Variants in INPP4B observed in about 807,000 individuals in gnomAD.
The protein encoded by INPP4B is inositol polyphosphate-4-phosphatase type II B.
In INPP4B, 55 loss-of-function variants were observed where a neutral mutation model predicts 122.5. The ratio of observed to expected loss-of-function variants is 0.45; its 90% confidence interval spans 0.36 to 0.56. The LOEUF (loss-of-function observed/expected upper bound fraction) is 0.56. Among genes scored for constraint, INPP4B ranks in the 20% least tolerant of loss-of-function variants. The probability of loss-of-function intolerance (pLI) is 0.00; values close to 1 mark genes in which losing one functional copy is unlikely to be tolerated. For missense variants in INPP4B, 1,000 were observed against 1,097.7 expected (o/e 0.91, Z 1.26); for synonymous variants, 403 against 388.7 (o/e 1.04, Z -0.43).
intron 2 of INPP4B, among the ~76,000 whole-genome samples, chr4:142,678,523 G>T (rs1371085759): frequency 6.6e-6 from 1 of 151,728 alleles, no homozygotes; most frequent in Non-Finnish European, 1.5e-5. Context: ...TTTGGAACTA[G>T]GTATCCCTTA....
intron 2 of INPP4B, among the ~76,000 whole-genome samples, chr4:142,616,348 A>G (rs1743701189): frequency 6.6e-6 from 1 of 152,180 alleles, no homozygotes; most frequent in Non-Finnish European, 1.5e-5. Flanking sequence ...AAGAAACTTC[A>G]GAGAGATATC....
At chr4:142,736,589 G>C (rs1561012839) in intron 1 of INPP4B, among the ~76,000 whole-genome samples, 1 of 151,912 alleles carries the variant, frequency 6.6e-6, no homozygotes, top group Admixed American at 6.6e-5. Flanking sequence ...TCATAATTTG[G>C]CTCTCTGTTT....
intron 2 of INPP4B, among the ~76,000 whole-genome samples, chr4:142,559,381 T>C (rs1422580043): frequency 6.6e-6 from 1 of 152,148 alleles, no homozygotes; most frequent in Non-Finnish European, 1.5e-5. Flanking sequence ...ATGTACCTTG[T>C]ATTTAATGAA....
intron 2 of INPP4B, among the ~76,000 whole-genome samples, chr4:142,468,458 C>T (rs1818223780): frequency 6.6e-6 from 1 of 152,176 alleles, no homozygotes; most frequent in African/African-American, 2.4e-5. Context: ...CGGACGTTAG[C>T]TCCTCCAAAC....
At chr4:142,312,401 G>A (rs149146386) in intron 8 of INPP4B, among the ~76,000 whole-genome samples, 1 of 152,292 alleles carries the variant, frequency 6.6e-6, no homozygotes, top group East Asian at 1.9e-4. Flanking sequence ...CCTCAAAGCT[G>A]AAGCCAAGAG....
chr4:142,408,712 G>T (rs1803973155), intron 5 of INPP4B, among the ~76,000 whole-genome samples: 1 of 152,136 alleles, frequency 6.6e-6, no homozygotes, highest in South Asian at 2.1e-4. Context: ...GTTTCGTTTT[G>T]TTTATTTAAG....
chr4:142,291,872 T>C (rs888514385), intron 9 of INPP4B, among the ~76,000 whole-genome samples: 1 of 152,252 alleles, frequency 6.6e-6, no homozygotes. Context: ...CTAGCATTTT[T>C]GGACTCAAAT....
chr4:142,063,600 G>A (rs896899502), intron 25 of INPP4B, among the ~76,000 whole-genome samples: 1 of 151,916 alleles, frequency 6.6e-6, no homozygotes, highest in African/African-American at 2.4e-5. Flanking sequence ...TATTCAAAGG[G>A]CAACTACTAA....
intron 11 of INPP4B, among the ~76,000 whole-genome samples, chr4:142,241,379 G>T (rs1488988891): frequency 6.6e-6 from 1 of 152,104 alleles, no homozygotes; most frequent in Non-Finnish European, 1.5e-5. Flanking sequence ...GATCTTGATT[G>T]ACACATTCCC....
chr4:142,313,281 G>A (rs931443639), intron 8 of INPP4B, among the ~76,000 whole-genome samples: 7 of 152,084 alleles, frequency 4.6e-5, no homozygotes, highest in East Asian at 1.9e-4. Flanking sequence ...GAGTGGGGTC[G>A]GGGCAGGCAG....
chr4:142,169,229 A>G (rs1304883640), intron 16 of INPP4B, among the ~76,000 whole-genome samples: 2 of 151,726 alleles, frequency 1.3e-5, no homozygotes, highest in Non-Finnish European at 3.0e-5. Flanking sequence ...TTTAAAGGCA[A>G]TTATGAAAAA....
intron 1 of INPP4B, among the ~76,000 whole-genome samples, chr4:142,760,168 C>T (rs1771115872): frequency 6.6e-6 from 1 of 152,120 alleles, no homozygotes; most frequent in Non-Finnish European, 1.5e-5. Context: ...CAGAAACCTA[C>T]ATTTCTCATT....
intron 1 of INPP4B, among the ~76,000 whole-genome samples, chr4:142,793,858 T>C (rs759146971): frequency 2.0e-5 from 3 of 151,992 alleles, no homozygotes; most frequent in Non-Finnish European, 2.9e-5. Flanking sequence ...TAACAAAATA[T>C]ATGCAATGCA....
rs1212538367 is a variant in INPP4B, at chr4:142,753,965, G to A, written c.-253-28064C>T. ...TCATTTCCTTCCTTTTTTCACAAAC[G>A]CCCAATCCAGCTCCTAATAATTTTT... On this transcript the variant is annotated intron_variant, in intron 1 of 25. Coordinates refer to ENST00000262992, the MANE Select transcript of INPP4B (RefSeq NM_001101669.3). 4.0e-5 allele frequency among the ~76,000 whole-genome samples: 6 copies of A among 151,602 alleles called. No homozygotes were observed. In the South Asian group the frequency reaches 6.2e-4, roughly 16 times the overall value.
chr4:142,213,537 A>G (rs1845754320), intron 12 of INPP4B, among the ~76,000 whole-genome samples: 1 of 152,198 alleles, frequency 6.6e-6, no homozygotes, highest in Non-Finnish European at 1.5e-5. Flanking sequence ...TGGACACGTG[A>G]CAATGTCCAC....
At chr4:142,299,780 T>C (rs1760599410) in intron 9 of INPP4B, among the ~76,000 whole-genome samples, 1 of 152,040 alleles carries the variant, frequency 6.6e-6, no homozygotes, top group Admixed American at 6.6e-5. Context: ...ATTAGAATCT[T>C]ACTTTCTGGT....
At chr4:142,478,060 C>T (rs1404654747) in intron 2 of INPP4B, among the ~76,000 whole-genome samples, 2 of 152,138 alleles carry the variant, frequency 1.3e-5, no homozygotes, top group Admixed American at 6.5e-5. Flanking sequence ...ACCTAGGCCT[C>T]CCAGTATGCT....
At chr4:142,611,874 G>A (rs988950735) in intron 2 of INPP4B, among the ~76,000 whole-genome samples, 1 of 151,860 alleles carries the variant, frequency 6.6e-6, no homozygotes, top group Non-Finnish European at 1.5e-5. Context: ...TCACCATATT[G>A]GTCAGGCTGG....
At chr4:142,083,753 CT>C (rs1254487992) in intron 24 of INPP4B, among the ~76,000 whole-genome samples, 20 of 152,080 alleles carry the variant, frequency 1.3e-4, no homozygotes, top group Non-Finnish European at 1.5e-5. Flanking sequence ...TCCATACAAT[CT>C]TTTTACATCT....
Sources: allele counts gnomAD v4.1 joint callset (sites outside exome capture counted in the v4.1 genomes callset), GRCh38; gene constraint gnomAD v4.1.1; transcripts MANE v1.5; gene names NCBI Gene and HGNC (gene_info 2026-07-23, HGNC 2026-07-21).